The following NEB variants were observed in gnomAD, a reference collection of about 807,000 sequenced individuals.
NEB encodes nemaline myopathy type 2.
Under a neutral mutation model 952.2 loss-of-function variants are expected in NEB, and 512 were observed. The observed-to-expected ratio is 0.54, with a 90% CI of 0.50 to 0.58. The LOEUF is 0.58. Among genes scored for constraint, NEB ranks in the 20% least tolerant of loss-of-function variants. The pLI is 0.00. For synonymous variants in NEB, 2,900 were observed against 3,149.8 expected (o/e 0.92, Z 2.66); for missense variants, 8,428 against 9,231.1 (o/e 0.91, Z 3.56).
intron 27 of NEB, among the ~76,000 whole-genome samples, chr2:151,685,274 C>T (rs888515041): frequency 2.0e-5 from 3 of 152,096 alleles, no homozygotes; most frequent in African/African-American, 7.2e-5. Flanking sequence ...TCTCAAGGAC[C>T]ACTAACAAGT....
At chr2:151,612,474 T>C in intron 77 of NEB, 85 bp from the exon 78 acceptor site, 1 of 1,242,396 alleles carries the variant, frequency 8.0e-7, no homozygotes, top group South Asian at 1.3e-5. Flanking sequence ...ACAGATAATG[T>C]GTTAGTCTGA....
chr2:151,505,662 T>TA (rs1048148463), intron 164 of NEB, 92 bp from the exon 165 acceptor site: 15 of 1,039,876 alleles, frequency 1.4e-5, no homozygotes, highest in South Asian at 9.0e-5. Flanking sequence ...GCCCCCAAAT[T>TA]AAAAAAATTA....
chr2:151,571,444 A>T (rs1253714666), intron 107 of NEB, among the ~76,000 whole-genome samples: 1 of 152,214 alleles, frequency 6.6e-6, no homozygotes, highest in Non-Finnish European at 1.5e-5. Flanking sequence ...TTAATGGGTT[A>T]TTGAATTTCT....
Position 151,506,919 on chromosome 2 carries a change from T to C in NEB, c.23546A>G (p.Asn7849Ser), listed in dbSNP as rs1448820285. 21 of 1,598,490 alleles carry C rather than the reference T, an allele frequency of 1.3e-5. No homozygotes were observed. The highest frequency in any genetic ancestry group is 1.8e-5 in the Non-Finnish European group (21 of 1,167,286). The change falls in exon 163 of 182, where the codon AAT becomes AGT. Residue 7849 changes from asparagine (N) to serine (S), a missense_variant. This residue lies in a region of NEB where 3,374 missense variants were observed against 3,651.5 expected (regional missense o/e 0.92). Coordinates refer to ENST00000397345, the MANE Select transcript of NEB (RefSeq NM_001164508.2). Reference protein sequence around the residue: ...EILRVKENQKNFSSVLYKEDV... With the variant: ...EILRVKENQKSFSSVLYKEDV... ...AAATAGTAAATATACCGAGCTGAAA[T>C]TCTTCTGATTTTCTTTTACACGCAG...
Position 151,693,458 on chromosome 2 carries a change from C to G in NEB, c.1896+865G>C, listed in dbSNP as rs560410986. Among the ~76,000 whole-genome samples, 339 of 151,762 alleles carry G rather than the reference C, an allele frequency of 2.2e-3. 1 individual carries two copies. The highest frequency in any genetic ancestry group is 4.4e-3 in the Admixed American group (67 of 15,236). Reference sequence around the variant, plus strand: ...GCCTCCAACAGTGTGTGTTGCACCCCCCATGTATCCATGTGTTCTCAACAT... The same window carrying G: ...GCCTCCAACAGTGTGTGTTGCACCCGCCATGTATCCATGTGTTCTCAACAT... On this transcript the variant is annotated intron_variant, in intron 20 of 181. Coordinates refer to ENST00000397345, the MANE Select transcript of NEB (RefSeq NM_001164508.2).
At chr2:151,507,903 G>T in intron 162 of NEB, 102 bp downstream of exon 162, 1 of 771,138 alleles carries the variant, frequency 1.3e-6, no homozygotes, top group Non-Finnish European at 2.3e-6. Flanking sequence ...AGTTGTGGAG[G>T]GCTGCACAAC....
chr2:151,728,202 T>TG (rs988240725), intron 4 of NEB, among the ~76,000 whole-genome samples: 7 of 152,024 alleles, frequency 4.6e-5, no homozygotes, highest in South Asian at 2.1e-4. Context: ...TTCAAAGTAG[T>TG]GGGGGGGAAA....
chr2:151,692,302 G>A lies in NEB; in HGVS notation c.1957C>T (p.Pro653Ser), dbSNP rs759215923. 20 of 1,613,624 alleles carry A rather than the reference G, an allele frequency of 1.2e-5. No individual in the cohort carries two copies. Among genetic ancestry groups the A allele is most frequent in the Non-Finnish European group, 1.7e-5 (20 of 1,179,794 alleles). Residue 653 changes from proline (P) to serine (S), a missense_variant, in exon 21 of 182, where the codon CCA becomes TCA. Physicochemically the swap from Pro to Ser is moderately conservative, Grantham distance 74. This residue lies in a region of NEB where 2,851 missense variants were observed against 2,791.5 expected (regional missense o/e 1.02). Transcript: ENST00000397345. ...AGCTGAGTATCAAGTTGATATTTTGGGGTCTCACAGTAATTCATACTCTTT... is the reference window on the plus strand; with the variant it reads ...AGCTGAGTATCAAGTTGATATTTTGAGGTCTCACAGTAATTCATACTCTTT... The part of the protein sequence containing the change: ...KAKSMNYCET[P>S]KYQLDTQLKN...
chr2:151,710,596 A>G (rs924417101), intron 10 of NEB, 58 bp from the exon 11 acceptor site: 12 of 1,014,538 alleles, frequency 1.2e-5, no homozygotes, highest in Non-Finnish European at 1.2e-5. Context: ...CAAATAAGAC[A>G]GCAAATTAAG....
chr2:151,640,320 C>A (rs1318711800), intron 61 of NEB, 35 bp downstream of exon 61: 7 of 1,598,274 alleles, frequency 4.4e-6, no homozygotes, highest in Admixed American at 1.7e-5. Context: ...AATAATTTCC[C>A]ACCTCTGCAC....
intron 11 of NEB, among the ~76,000 whole-genome samples, chr2:151,710,201 G>A (rs978902118): frequency 6.6e-6 from 1 of 152,220 alleles, no homozygotes; most frequent in African/African-American, 2.4e-5. Flanking sequence ...TTACCATAAT[G>A]TGTTGTAAAA....
chr2:151,655,384 G>A lies in NEB; in HGVS notation c.6703-10C>T, dbSNP rs780740443. 2.1e-6 allele frequency: 3 copies of A among 1,449,470 alleles called. No individual in the cohort carries two copies. Among genetic ancestry groups the A allele is most frequent in the South Asian group, 1.3e-5 (1 of 76,932 alleles). 89.8% of individuals were successfully genotyped at this position (1,449,470 alleles called of 1,614,324 possible). A position where few individuals can be genotyped will look rare whatever the true frequency, so the allele number is the denominator to read the frequency against. On this transcript the variant is annotated splice_polypyrimidine_tract_variant and intron_variant, in intron 50 of 181. Transcript: ENST00000397345. The stretch of plus-strand genomic sequence containing the variant: ...CAATGGTGTATAAATGCTAGGAAGT[G>A]GGAAAAAAAGACATGAAATTTGAAT...
chr2:151,724,770 C>G, intron 7 of NEB, 87 bp downstream of exon 7: 1 of 1,069,252 alleles, frequency 9.4e-7, no homozygotes, highest in Non-Finnish European at 1.4e-6. Context: ...TGGGCAGGAT[C>G]AGGCCTGTCC....
At chr2:151,665,294 T>C (rs1403148274) in intron 42 of NEB, 39 bp downstream of exon 42, 1 of 1,590,720 alleles carries the variant, frequency 6.3e-7, no homozygotes, top group Admixed American at 1.7e-5. Context: ...ATGAACACCA[T>C]GAGGGTTCCC....
chr2:151,641,531 A>G (rs1384018435), intron 60 of NEB, among the ~76,000 whole-genome samples: 1 of 152,128 alleles, frequency 6.6e-6, no homozygotes, highest in Non-Finnish European at 1.5e-5. Context: ...GTGCCTTGCT[A>G]TGTTGACCAG....
rs1382610541 is a variant in NEB at position 151,555,000 on chromosome 2, C to T, written c.19359G>A (p.Thr6453=). 3 of 1,613,674 alleles carry T rather than the reference C, an allele frequency of 1.9e-6. No homozygotes were observed. Among genetic ancestry groups the T allele is most frequent in the East Asian group, 2.2e-5 (1 of 44,874 alleles). ...GATCATCGTCAACACTTCTTGGTAACGTATAAAGAGCTTTGAACTTTTCAT... is the reference window on the plus strand; with the variant it reads ...GATCATCGTCAACACTTCTTGGTAATGTATAAAGAGCTTTGAACTTTTCAT... The part of the protein sequence containing the change: ...EEYEKFKALY[T]LPRSVDDDPN... Residue 6453 remains threonine, a synonymous_variant, in exon 125 of 182, where the codon ACG becomes ACA. Coordinates refer to ENST00000397345, the MANE Select transcript of NEB (RefSeq NM_001164508.2).
At chr2:151,521,204 A>G (rs528558526) in intron 153 of NEB, among the ~76,000 whole-genome samples, 2 of 152,350 alleles carry the variant, frequency 1.3e-5, no homozygotes, top group African/African-American at 4.8e-5. Flanking sequence ...CAAAATAACA[A>G]TGAAATCTGC....
intron 138 of NEB, 120 bp from the exon 139 acceptor site, chr2:151,538,364 T>C: frequency 2.8e-6 from 2 of 725,576 alleles, no homozygotes; most frequent in Admixed American, 2.6e-5. Context: ...TTAGGAAAAA[T>C]TTAAAAGCTT....
At chr2:151,613,045 G>A (rs970576166) in intron 77 of NEB, among the ~76,000 whole-genome samples, 3 of 152,050 alleles carry the variant, frequency 2.0e-5, no homozygotes, top group African/African-American at 7.2e-5. Context: ...TTCTTGTAAG[G>A]AAGGGTAACA....
Sources: allele counts gnomAD v4.1 joint callset (sites outside exome capture counted in the v4.1 genomes callset), GRCh38; gene constraint gnomAD v4.1.1; regional missense constraint gnomAD v4.1.1; transcripts MANE v1.5; gene names NCBI Gene and HGNC (gene_info 2026-07-23, HGNC 2026-07-21).